EYS: variants seen among roughly 807,000 people sequenced by gnomAD.
EYS encodes protein eyes shut homolog.
A neutral mutation model predicts 282.1 loss-of-function variants in EYS; 250 were observed. That is an observed-to-expected ratio of 0.89 (90% CI 0.80 to 0.98). The LOEUF (loss-of-function observed/expected upper bound fraction) is 0.98, where lower values mean the gene tolerates loss of function less well. EYS is among the 50% of genes least tolerant of loss of function. EYS has a pLI of 0.00. For missense variants in EYS, 4,016 were observed against 3,709.0 expected, an observed-to-expected ratio of 1.08 and a Z score of -2.15; for synonymous variants, 1,355 against 1,282.9, an observed-to-expected ratio of 1.06 and a Z score of -1.20.
chr6:65,580,658 TA>T (rs1764835546), intron 2 of EYS, among the ~76,000 whole-genome samples: 6 of 152,070 alleles, frequency 3.9e-5, no homozygotes, highest in Admixed American at 3.9e-4. Context: ...TAGATCTGTA[TA>T]AAAATTAAAA....
At chr6:63,851,647 A>G (rs2348398) in intron 36 of EYS, among the ~76,000 whole-genome samples, 151,295 of 152,270 alleles carry the variant, frequency 0.99, 75,171 homozygotes, top group Non-Finnish European at 1. Flanking sequence ...ACAACATATC[A>G]GAACTTTGGG....
At chr6:65,360,698 TA>T (rs1764668044) in intron 8 of EYS, among the ~76,000 whole-genome samples, 1 of 152,106 alleles carries the variant, frequency 6.6e-6, no homozygotes, top group Non-Finnish European at 1.5e-5. Flanking sequence ...CTCCAACTGT[TA>T]TGCTAAAAAG....
intron 35 of EYS, among the ~76,000 whole-genome samples, chr6:63,979,324 A>G (rs528622449): frequency 1.3e-5 from 2 of 152,058 alleles, no homozygotes; most frequent in Admixed American, 1.3e-4. Context: ...AATGTTTGCT[A>G]GCCTCTGCCT....
At chr6:65,522,663 AT>A (rs1466320669) in intron 2 of EYS, among the ~76,000 whole-genome samples, 3 of 152,184 alleles carry the variant, frequency 2.0e-5, no homozygotes, top group Non-Finnish European at 4.4e-5. Context: ...TTATATGCTA[AT>A]TTTTATTATG....
chr6:64,314,387 G>A lies in EYS; in HGVS notation c.6079-7305C>T, dbSNP rs552029522. Among the ~76,000 whole-genome samples the A allele has an allele frequency of 1.2e-4, 18 of 152,156 alleles. No individual in the cohort carries two copies. The East Asian group carries it at 3.5e-3, about 29-fold the overall frequency. On this transcript the variant is annotated intron_variant, in intron 29 of 42. Transcript: ENST00000503581. ...AGGAGCACCCAGATTTATAAAGCAAGTTCTTAGAGACCTACAAAGAGACTT... is the reference window on the plus strand; with the variant it reads ...AGGAGCACCCAGATTTATAAAGCAAATTCTTAGAGACCTACAAAGAGACTT...
At chr6:64,988,131 CA>C (rs368309010) in intron 14 of EYS, among the ~76,000 whole-genome samples, 2,525 of 140,044 alleles carry the variant, frequency 0.018, 19 homozygotes, top group Middle Eastern at 0.075. Flanking sequence ...TCTGAGAGGG[CA>C]AAAAAAAAAG....
At chr6:64,676,042 A>C (rs1208515761) in intron 22 of EYS, among the ~76,000 whole-genome samples, 2 of 149,148 alleles carry the variant, frequency 1.3e-5, no homozygotes, top group East Asian at 4.0e-4. Flanking sequence ...ATAGATATAC[A>C]TATCTATATA....
intron 29 of EYS, among the ~76,000 whole-genome samples, chr6:64,388,139 T>G (rs1772973662): frequency 6.6e-6 from 1 of 152,126 alleles, no homozygotes; most frequent in Admixed American, 6.5e-5. Flanking sequence ...TAATAGCATT[T>G]AAGTCAGCTT....
chr6:65,016,011 A>G (rs1488193556), intron 13 of EYS, among the ~76,000 whole-genome samples: 1 of 150,696 alleles, frequency 6.6e-6, no homozygotes, highest in Non-Finnish European at 1.5e-5. Flanking sequence ...TGCCACTGCA[A>G]TCCAGGCTGG....
Position 64,362,564 on chromosome 6 carries a change from A to G in EYS, c.6078+26126T>C, listed in dbSNP as rs530356881. On this transcript the variant is annotated intron_variant, in intron 29 of 42. Transcript: ENST00000503581. ...ATATGCAGAAGTATTTTCTTGTGAT[A>G]TTATCTCAAGATACAAGGTTCTGAT... Among the ~76,000 whole-genome samples the G allele has an allele frequency of 9.2e-5, 14 of 151,940 alleles. No homozygotes were observed. In the South Asian group the frequency reaches 2.9e-3, roughly 31 times the overall value.
intron 22 of EYS, among the ~76,000 whole-genome samples, chr6:64,696,370 A>G (rs761446462): frequency 6.6e-6 from 1 of 152,208 alleles, no homozygotes; most frequent in Non-Finnish European, 1.5e-5. Context: ...ATGGAACTAC[A>G]TGAAATGAAG....
chr6:63,762,454 G>T lies in EYS; in HGVS notation c.8071+7C>A. 1 of 1,548,464 alleles carries T rather than the reference G, an allele frequency of 6.5e-7. No homozygotes were observed. The highest frequency in any genetic ancestry group is 8.7e-7 in the Non-Finnish European group (1 of 1,145,300). On this transcript the variant is annotated splice_region_variant and intron_variant, in intron 41 of 42. Transcript: ENST00000503581. Reference sequence around the variant, plus strand: ...GGACAGCAAAATGATTTGAAATTCTGCCTCACCTTGTTCACAGTAGATTCC... The same window carrying T: ...GGACAGCAAAATGATTTGAAATTCTTCCTCACCTTGTTCACAGTAGATTCC...
chr6:64,974,931 G>A (rs187582170), intron 14 of EYS, among the ~76,000 whole-genome samples: 2 of 151,816 alleles, frequency 1.3e-5, no homozygotes, highest in Non-Finnish European at 2.9e-5. Flanking sequence ...AACTTATTCT[G>A]AGTCTTATTA....
chr6:65,415,347 C>T (rs1767188064), intron 5 of EYS, among the ~76,000 whole-genome samples: 1 of 152,060 alleles, frequency 6.6e-6, no homozygotes, highest in Admixed American at 6.6e-5. Flanking sequence ...AAGAGTCCCA[C>T]ATGATTCATA....
chr6:65,648,595 T>G (rs1270263979), intron 1 of EYS, among the ~76,000 whole-genome samples: 1 of 151,948 alleles, frequency 6.6e-6, no homozygotes, highest in Non-Finnish European at 1.5e-5. Context: ...GAGTACACAT[T>G]GGGTACATTG....
At position 64,359,958 on chromosome 6, in the gene EYS, A is replaced by G. The variant is rs181579667; in HGVS notation, c.6078+28732T>C. 2.6e-5 allele frequency among the ~76,000 whole-genome samples: 4 copies of G among 151,786 alleles called. No homozygotes were observed. The East Asian group carries it at 7.8e-4, about 30-fold the overall frequency. Reference sequence around the variant, plus strand: ...TCATCTCTTTTCCATATACCAATCCAGTCACTATTTGGAAAATTGTAACTC... The same window carrying G: ...TCATCTCTTTTCCATATACCAATCCGGTCACTATTTGGAAAATTGTAACTC... On this transcript the variant is annotated intron_variant, in intron 29 of 42. Transcript: ENST00000503581.
At chr6:64,432,849 C>T (rs1774617833) in intron 28 of EYS, among the ~76,000 whole-genome samples, 1 of 151,980 alleles carries the variant, frequency 6.6e-6, no homozygotes, top group South Asian at 2.1e-4. Flanking sequence ...AACTTTACTG[C>T]TTTGTCCCAT....
intron 2 of EYS, among the ~76,000 whole-genome samples, chr6:65,591,598 C>G (rs1489889681): frequency 6.6e-6 from 1 of 151,840 alleles, no homozygotes; most frequent in African/African-American, 2.4e-5. Flanking sequence ...CCTAATAATG[C>G]AAAAATTTCT....
At chr6:64,922,364 A>T (rs967076329) in intron 15 of EYS, among the ~76,000 whole-genome samples, 2 of 152,238 alleles carry the variant, frequency 1.3e-5, no homozygotes, top group African/African-American at 4.8e-5. Context: ...AAAAACTTAG[A>T]AAGGAATTAG....
Sources: gnomAD v4.1 joint callset for allele counts (sites outside exome capture counted in the v4.1 genomes callset) on GRCh38, gnomAD v4.1.1 for gene constraint, MANE v1.5 for transcripts, NCBI Gene and HGNC (gene_info 2026-07-23, HGNC 2026-07-21) for gene names.